Variants in KANSL1L observed in about 807,000 individuals in gnomAD.
KANSL1L encodes KAT8 regulatory NSL complex subunit 1-like protein.
A neutral mutation model predicts 108.6 loss-of-function variants in KANSL1L; 25 were observed. That is an observed-to-expected ratio of 0.23 (90% CI 0.17 to 0.32). The LOEUF is 0.32. KANSL1L is among the 10% of genes least tolerant of loss of function. The pLI is 1.00. For missense variants in KANSL1L, 1,137 were observed against 1,125.7 expected, an observed-to-expected ratio of 1.01 and a Z score of -0.14; for synonymous variants, 405 against 395.1, an observed-to-expected ratio of 1.03 and a Z score of -0.30.
At chr2:210,162,063 T>A (rs2095363987) in intron 1 of KANSL1L, among the ~76,000 whole-genome samples, 1 of 112,930 alleles carries the variant, frequency 8.9e-6, no homozygotes. Context: ...TGTCTCTATT[T>A]AAAAAAAAAA....
chr2:210,066,575 C>T (rs2094468881), intron 6 of KANSL1L, among the ~76,000 whole-genome samples: 1 of 152,178 alleles, frequency 6.6e-6, no homozygotes, highest in Non-Finnish European at 1.5e-5. Flanking sequence ...TACACGGTGT[C>T]ACTTTGTTGC....
intron 1 of KANSL1L, among the ~76,000 whole-genome samples, chr2:210,161,912 A>G (rs955420406): frequency 3.3e-5 from 5 of 151,776 alleles, no homozygotes; most frequent in African/African-American, 1.2e-4. Context: ...GTGGGTACAA[A>G]GATGGTGTAT....
intron 3 of KANSL1L, among the ~76,000 whole-genome samples, chr2:210,111,041 G>A (rs2094899266): frequency 2.0e-5 from 3 of 152,060 alleles, no homozygotes; most frequent in Non-Finnish European, 4.4e-5. Flanking sequence ...GAGCCTGGGA[G>A]GTCAAGGCTG....
intron 2 of KANSL1L, among the ~76,000 whole-genome samples, chr2:210,149,477 CTGTT>C (rs1165780210): frequency 6.6e-6 from 1 of 152,038 alleles, no homozygotes; most frequent in Non-Finnish European, 1.5e-5. Flanking sequence ...AAAAATGCAT[CTGTT>C]TATTTGGTAT....
At chr2:210,083,911 G>A (rs1416390860) in intron 5 of KANSL1L, among the ~76,000 whole-genome samples, 1 of 151,320 alleles carries the variant, frequency 6.6e-6, no homozygotes, top group Admixed American at 6.6e-5. Context: ...CCTCCAATTG[G>A]CAAAAGTAAA....
At chr2:210,112,770 C>A (rs1306752535) in intron 3 of KANSL1L, among the ~76,000 whole-genome samples, 1 of 152,114 alleles carries the variant, frequency 6.6e-6, no homozygotes, top group East Asian at 1.9e-4. Context: ...GGAACAGGAA[C>A]CACCAGGAAT....
At chr2:210,060,256 T>G (rs1328243117) in intron 6 of KANSL1L, among the ~76,000 whole-genome samples, 1 of 152,170 alleles carries the variant, frequency 6.6e-6, no homozygotes, top group African/African-American at 2.4e-5. Context: ...GCATTATGAT[T>G]TGAGAATCTA....
chr2:210,169,950 A>C (rs574459485), intron 1 of KANSL1L, among the ~76,000 whole-genome samples: 1 of 152,330 alleles, frequency 6.6e-6, no homozygotes, highest in East Asian at 1.9e-4. Context: ...TCTTTCTTAC[A>C]ATCTCTTAAG....
At chr2:210,132,838 T>G (rs910777546) in intron 2 of KANSL1L, among the ~76,000 whole-genome samples, 1 of 152,192 alleles carries the variant, frequency 6.6e-6, no homozygotes, top group African/African-American at 2.4e-5. Flanking sequence ...CGAGAAGTCT[T>G]CTCTCCTCCT....
intron 1 of KANSL1L, among the ~76,000 whole-genome samples, chr2:210,160,985 A>AT (rs753694386): frequency 0.1 from 13,387 of 133,408 alleles, 890 homozygotes; most frequent in African/African-American, 0.14. Context: ...CATACGGCCA[A>AT]TTTTTTTTTT....
chr2:210,146,166 A>G (rs1011380173), intron 2 of KANSL1L, among the ~76,000 whole-genome samples: 9 of 152,100 alleles, frequency 5.9e-5, no homozygotes, highest in African/African-American at 1.9e-4. Flanking sequence ...GTTTCTAGCC[A>G]TCTCCAGATG....
chr2:210,127,128 T>C (rs1367002367), intron 3 of KANSL1L, among the ~76,000 whole-genome samples: 1 of 152,148 alleles, frequency 6.6e-6, no homozygotes, highest in African/African-American at 2.4e-5. Flanking sequence ...TGGGATAGAA[T>C]AGAGAACCCA....
At chr2:210,027,027 T>C (rs2093947730) in intron 12 of KANSL1L, among the ~76,000 whole-genome samples, 1 of 152,218 alleles carries the variant, frequency 6.6e-6, no homozygotes, top group Non-Finnish European at 1.5e-5. Context: ...CGTCTTGGCC[T>C]CCCAAAGTGC....
At chr2:210,105,764 T>C (rs543024168) in intron 3 of KANSL1L, among the ~76,000 whole-genome samples, 6 of 152,266 alleles carry the variant, frequency 3.9e-5, no homozygotes, top group African/African-American at 9.6e-5. Context: ...ACATTTTGAA[T>C]AGTGCTAACA....
intron 3 of KANSL1L, among the ~76,000 whole-genome samples, chr2:210,110,167 G>A (rs962618646): frequency 6.6e-6 from 1 of 152,000 alleles, no homozygotes. Flanking sequence ...CCTTTCTCCC[G>A]TTCCTCTTTC....
At position 210,171,390 on chromosome 2, in the gene KANSL1L, A is replaced by G. The variant is rs1575663051; in HGVS notation, c.-271T>C. ...CCGCAGCTCCGTGCGGCTCGGGGGG[A>G]CGGAACCCTGCCGCGGTCTGGGAGC... is the stretch of plus-strand genomic sequence containing the variant. On this transcript the variant is annotated 5_prime_UTR_variant, in exon 1 of 15. Transcript: ENST00000281772. 6.0e-6 allele frequency: 1 copy of G among 165,892 alleles called. No individual in the cohort carries two copies. Among genetic ancestry groups the G allele is most frequent in the South Asian group, 1.7e-4 (1 of 5,912 alleles). The allele number at this position is 165,892 out of a possible 1,614,324, so 10.3% of individuals were successfully genotyped here. A position where few individuals can be genotyped will look rare whatever the true frequency, so the allele number is the denominator to read the frequency against.
intron 11 of KANSL1L, 140 bp downstream of exon 11, chr2:210,028,705 T>A: frequency 1.6e-6 from 1 of 636,518 alleles, no homozygotes; most frequent in Admixed American, 2.9e-5. Flanking sequence ...CGAGTAATTT[T>A]TTTTTCACCG....
intron 3 of KANSL1L, among the ~76,000 whole-genome samples, chr2:210,122,310 G>A (rs1480296757): frequency 6.6e-6 from 1 of 151,966 alleles, no homozygotes; most frequent in African/African-American, 2.4e-5. Flanking sequence ...TAATCAAAAC[G>A]GCACAGTACT....
intron 6 of KANSL1L, among the ~76,000 whole-genome samples, chr2:210,051,948 TAAA>T (rs1000226947): frequency 3.8e-4 from 58 of 151,882 alleles, no homozygotes; most frequent in African/African-American, 1.4e-3. Context: ...GTTCTTATAC[TAAA>T]AAATTTTAAT....
Sources: allele counts gnomAD v4.1 joint callset (sites outside exome capture counted in the v4.1 genomes callset), GRCh38; gene constraint gnomAD v4.1.1; transcripts MANE v1.5; gene names NCBI Gene and HGNC (gene_info 2026-07-23, HGNC 2026-07-21).